CNTNAP3B: variants seen among roughly 807,000 people sequenced by gnomAD.
CNTNAP3B encodes contactin associated protein family member 3B, also known as contactin-associated protein-like 3B.
In CNTNAP3B, 25 loss-of-function variants were observed where a neutral mutation model predicts 108.9. The ratio of observed to expected loss-of-function variants is 0.23; its 90% CI spans 0.17 to 0.32. CNTNAP3B has a LOEUF of 0.32. Among genes scored for constraint, CNTNAP3B ranks in the 10% least tolerant of loss-of-function variants. The pLI is 1.00. For missense variants in CNTNAP3B, 252 were observed against 1,210.4 expected (o/e 0.21, Z 11.75); for synonymous variants, 103 against 473.4 (o/e 0.22, Z 10.16).
chr9:41,933,791 T>C (rs1330406540), intron 14 of CNTNAP3B, among the ~76,000 whole-genome samples: 1 of 152,280 alleles, frequency 6.6e-6, no homozygotes, highest in African/African-American at 2.4e-5. Context: ...AACTGACACA[T>C]GCATGAGCTT....
Position 42,120,475 on chromosome 9 carries a change from A to G in CNTNAP3B, c.85+8535T>C, listed in dbSNP as rs1337533953. 1.4e-5 allele frequency among the ~76,000 whole-genome samples: 2 copies of G among 138,090 alleles called. 1 individual carries two copies. The highest frequency in any genetic ancestry group is 3.1e-5 in the Non-Finnish European group (2 of 64,666). The allele number at this position is 138,090 out of a possible 152,430, so 90.6% of individuals were successfully genotyped here. On this transcript the variant is annotated intron_variant, in intron 1 of 23. Coordinates refer to ENST00000377561, the MANE Select transcript of CNTNAP3B (RefSeq NM_001201380.3). ...TGACCCAGCCATCCCATTACTGGGT[A>G]TATACCCAAAGGATTATAAATCATG... is the stretch of plus-strand genomic sequence containing the variant.
chr9:41,936,184 G>A (rs1824151158), intron 14 of CNTNAP3B, among the ~76,000 whole-genome samples: 1 of 152,308 alleles, frequency 6.6e-6, no homozygotes, highest in African/African-American at 2.4e-5. Context: ...GGCTGAGGCA[G>A]GAGAATCGCT....
chr9:41,930,436 G>T (rs1823944482), intron 14 of CNTNAP3B, among the ~76,000 whole-genome samples: 1 of 151,680 alleles, frequency 6.6e-6, no homozygotes, highest in African/African-American at 2.4e-5. Context: ...CCAGCTACAT[G>T]GGAGGCTGAG....
At chr9:42,017,253 G>A (rs1282778590) in intron 3 of CNTNAP3B, among the ~76,000 whole-genome samples, 1 of 136,418 alleles carries the variant, frequency 7.3e-6, no homozygotes, top group African/African-American at 2.9e-5. Flanking sequence ...GTCAGTGATG[G>A]TGCTCATGTG....
intron 10 of CNTNAP3B, among the ~76,000 whole-genome samples, chr9:41,966,208 T>G (rs1587157327): frequency 6.6e-6 from 1 of 152,408 alleles, no homozygotes; most frequent in East Asian, 1.9e-4. Context: ...CCCTTCCTTC[T>G]TAATATAATG....
At chr9:42,016,701 G>C (rs1477242025) in intron 3 of CNTNAP3B, among the ~76,000 whole-genome samples, 1 of 151,956 alleles carries the variant, frequency 6.6e-6, no homozygotes, top group African/African-American at 2.4e-5. Flanking sequence ...TGTGGAGAGT[G>C]AGAGTATACA....
chr9:41,938,557 C>A, intron 13 of CNTNAP3B, among the ~76,000 whole-genome samples, 157 bp from the exon 14 acceptor site: 1 of 152,270 alleles, frequency 6.6e-6, no homozygotes, highest in South Asian at 2.1e-4. Context: ...ACCTCTGAAA[C>A]GTTTCTTTAA....
chr9:41,953,288 A>T lies in CNTNAP3B; in HGVS notation c.1975T>A (p.Tyr659Asn), dbSNP rs758605356. The change falls in exon 13 of 24, where the codon TAC becomes AAC. Residue 659 changes from tyrosine to asparagine, a missense_variant. Physicochemically the swap from Tyr to Asn is moderately radical, Grantham distance 143. Coordinates refer to ENST00000377561, the MANE Select transcript of CNTNAP3B (RefSeq NM_001201380.3). ...GHPLSAVSFA[Y>N]AAGAGQLRAA... The stretch of plus-strand genomic sequence containing the variant: ...CGCAGCTGCCCCGCGCCCGCTGCGT[A>T]CGCGAAGGACACAGCCGAGAGCGGG... 1 of 1,529,812 alleles carries T rather than the reference A, an allele frequency of 6.5e-7. No individual in the cohort carries two copies. The highest frequency in any genetic ancestry group is 8.7e-7 in the Non-Finnish European group (1 of 1,146,938). The allele number at this position is 1,529,812 out of a possible 1,614,324, so 94.8% of individuals were successfully genotyped here. A position where few individuals can be genotyped will look rare whatever the true frequency, so the allele number is the denominator to read the frequency against.
At chr9:42,112,796 G>T (rs1325453527) in intron 1 of CNTNAP3B, among the ~76,000 whole-genome samples, 2 of 134,588 alleles carry the variant, frequency 1.5e-5, no homozygotes, top group African/African-American at 3.0e-5. Flanking sequence ...AACATACCAG[G>T]ACCAAGGACT....
At position 42,120,821 on chromosome 9, in the gene CNTNAP3B, G is replaced by A. The variant is rs867416101; in HGVS notation, c.85+8189C>T. Among the ~76,000 whole-genome samples, 144 of 89,550 alleles carry A rather than the reference G, an allele frequency of 1.6e-3. 14 individuals are homozygous for A. The highest frequency in any genetic ancestry group is 6.9e-3 in the African/African-American group (135 of 19,502). The allele number at this position is 89,550 out of a possible 152,430, so 58.7% of individuals were successfully genotyped here. A position where few individuals can be genotyped will look rare whatever the true frequency, so the allele number is the denominator to read the frequency against. On this transcript the variant is annotated intron_variant, in intron 1 of 23. Transcript: ENST00000377561. ...GGAACACTACACAACGGGGACTGTCGCGGGGTGGGGGGAGGGGGGAGGGAT... is the reference window on the plus strand; with the variant it reads ...GGAACACTACACAACGGGGACTGTCACGGGGTGGGGGGAGGGGGGAGGGAT...
intron 13 of CNTNAP3B, among the ~76,000 whole-genome samples, chr9:41,944,700 C>T (rs1287187475): frequency 6.6e-6 from 1 of 152,044 alleles, no homozygotes; most frequent in African/African-American, 2.4e-5. Context: ...TCAATAATCA[C>T]TTTAAATGTA....
chr9:42,041,262 C>G (rs1826744937), intron 3 of CNTNAP3B, among the ~76,000 whole-genome samples: 1 of 139,198 alleles, frequency 7.2e-6, no homozygotes, highest in Admixed American at 7.1e-5. Context: ...TAAAGAGCTT[C>G]TGCATAGTAA....
At chr9:42,080,664 T>TA (rs1564191217) in intron 2 of CNTNAP3B, among the ~76,000 whole-genome samples, 1 of 111,232 alleles carries the variant, frequency 9.0e-6, no homozygotes, top group Non-Finnish European at 1.8e-5. Flanking sequence ...AAAAATGTTG[T>TA]CTTTGTTTAA....
chr9:41,957,763 G>C (rs1280973164), intron 12 of CNTNAP3B, among the ~76,000 whole-genome samples: 2 of 152,270 alleles, frequency 1.3e-5, no homozygotes, highest in Non-Finnish European at 1.5e-5. Context: ...TGTTTTGTTT[G>C]TTTTTTGGTT....
At chr9:41,953,495 T>C in intron 12 of CNTNAP3B, 109 bp from the exon 13 acceptor site, 1 of 1,339,684 alleles carries the variant, frequency 7.5e-7, no homozygotes, top group Non-Finnish European at 1.0e-6. Context: ...TTTACATTAC[T>C]GCATGTTTGC....
intron 4 of CNTNAP3B, among the ~76,000 whole-genome samples, chr9:42,003,134 C>T (rs567070994): frequency 5.0e-5 from 7 of 139,364 alleles, no homozygotes; most frequent in African/African-American, 2.0e-4. Context: ...AGCAATCTGC[C>T]CACCTCAGCT....
chr9:41,930,305 G>T (rs1337178775), intron 14 of CNTNAP3B, among the ~76,000 whole-genome samples: 1 of 152,284 alleles, frequency 6.6e-6, no homozygotes, highest in Admixed American at 6.5e-5. Flanking sequence ...CACTTTAGAA[G>T]ACTGGGGTGG....
intron 14 of CNTNAP3B, among the ~76,000 whole-genome samples, chr9:41,930,688 T>C (rs1306169857): frequency 3.9e-5 from 6 of 152,232 alleles, no homozygotes; most frequent in African/African-American, 7.2e-5. Flanking sequence ...TTGAATACCA[T>C]GAGTATTAAT....
At chr9:42,017,239 C>T (rs1826234867) in intron 3 of CNTNAP3B, among the ~76,000 whole-genome samples, 1 of 137,028 alleles carries the variant, frequency 7.3e-6, no homozygotes, top group Admixed American at 7.3e-5. Context: ...ATCTAACAGT[C>T]ACAGTCAGTG....
Sources: allele counts gnomAD v4.1 joint callset (sites outside exome capture counted in the v4.1 genomes callset), GRCh38; gene constraint gnomAD v4.1.1; transcripts MANE v1.5; gene names NCBI Gene and HGNC (gene_info 2026-07-23, HGNC 2026-07-21).